Variants in SCML2 observed in about 807,000 individuals in gnomAD.
SCML2 encodes sex comb on midleg-like protein 2.
In SCML2, 6 loss-of-function variants were observed where a neutral mutation model predicts 48.4. That is an observed-to-expected ratio of 0.12 (90% CI 0.07 to 0.24). SCML2 has a LOEUF of 0.24. Among genes scored for constraint, SCML2 ranks in the 10% least tolerant of loss-of-function variants. The probability of loss-of-function intolerance (pLI) is 1.00; values close to 1 mark genes in which losing one functional copy is unlikely to be tolerated. For synonymous variants in SCML2, 181 were observed against 189.5 expected (o/e 0.95, Z 0.37); for missense variants, 377 against 528.2 (o/e 0.71, Z 2.81).
In SCML2 at chrX:18,346,885, A is replaced by G. The variant is rs185737347; in HGVS notation, c.-25+7707T>C. Reference sequence around the variant, plus strand: ...CCAAGAGAAGCTCTCTCTTTCAACTAAGATTTTGTTTCTGGTAATAGTGAT... The same window carrying G: ...CCAAGAGAAGCTCTCTCTTTCAACTGAGATTTTGTTTCTGGTAATAGTGAT... On this transcript the variant is annotated intron_variant, in intron 1 of 14. Transcript: ENST00000251900. Among the ~76,000 whole-genome samples, 21 of 112,028 alleles carry G rather than the reference A, an allele frequency of 1.9e-4. 1 individual carries two copies. The East Asian group carries it at 4.2e-3, about 22-fold the overall frequency.
intron 6 of SCML2, among the ~76,000 whole-genome samples, chrX:18,308,200 G>C (rs1475822317): frequency 9.7e-6 from 1 of 103,533 alleles, no homozygotes; most frequent in Non-Finnish European, 2.0e-5. Context: ...GTGGAGGTTG[G>C]AGTGAGCCAA....
intron 3 of SCML2, among the ~76,000 whole-genome samples, chrX:18,326,035 G>A (rs1344994690): frequency 3.6e-5 from 4 of 112,087 alleles, no homozygotes; most frequent in African/African-American, 9.7e-5. Flanking sequence ...GACTGACAGC[G>A]TTTGCAGATT....
intron 1 of SCML2, among the ~76,000 whole-genome samples, chrX:18,354,066 A>T (rs1481737334): frequency 8.9e-6 from 1 of 112,022 alleles, no homozygotes; most frequent in Non-Finnish European, 1.9e-5. Context: ...CCCCGCCAGG[A>T]GCCCGGCGGC....
At chrX:18,334,027 T>C (rs746159265) in intron 2 of SCML2, 23 bp downstream of exon 2, 10 of 1,181,116 alleles carry the variant, frequency 8.5e-6, no homozygotes, top group South Asian at 5.7e-5. Context: ...AAAACATTAT[T>C]GCCTTTAACA....
intron 1 of SCML2, among the ~76,000 whole-genome samples, chrX:18,347,098 T>C (rs1360178145): frequency 2.7e-5 from 3 of 112,040 alleles, no homozygotes; most frequent in Non-Finnish European, 5.6e-5. Context: ...ATTCTAATAC[T>C]GTAATTACAT....
At chrX:18,344,041 T>A (rs1300905105) in intron 1 of SCML2, among the ~76,000 whole-genome samples, 3 of 109,382 alleles carry the variant, frequency 2.7e-5, no homozygotes. Flanking sequence ...AAAATAAAAA[T>A]TTTTTTAAAA....
chrX:18,319,382 A>G (rs1238451184), intron 6 of SCML2, among the ~76,000 whole-genome samples: 1 of 110,413 alleles, frequency 9.1e-6, no homozygotes, highest in Non-Finnish European at 1.9e-5. Context: ...CTCAAAAAAA[A>G]AGAAAAAGGA....
At chrX:18,350,605 T>A in intron 1 of SCML2, among the ~76,000 whole-genome samples, 1 of 100,160 alleles carries the variant, frequency 1.0e-5, no homozygotes. Flanking sequence ...ATTAGCTGGG[T>A]GTGGCGGTAC....
At chrX:18,354,789 C>T (rs1372435836), upstream of SCML2, 21 of 149,072 alleles carry the variant, frequency 1.4e-4, no homozygotes, top group Admixed American at 4.2e-4. Flanking sequence ...CTTTGACCGC[C>T]GCCGCGTGCG....
At chrX:18,317,625 G>A (rs1232512085) in intron 6 of SCML2, among the ~76,000 whole-genome samples, 1 of 110,851 alleles carries the variant, frequency 9.0e-6, no homozygotes, top group Non-Finnish European at 1.9e-5. Context: ...GAGGTCAGGA[G>A]ATCGAGACCA....
chrX:18,326,381 T>C (rs770233503), intron 3 of SCML2, among the ~76,000 whole-genome samples: 17 of 108,920 alleles, frequency 1.6e-4, no homozygotes, highest in Admixed American at 5.9e-4. Context: ...TCAGAGAGAG[T>C]GTTAAGAATG....
intron 7 of SCML2, among the ~76,000 whole-genome samples, chrX:18,279,747 C>T (rs1381553299): frequency 1.8e-5 from 2 of 111,697 alleles, no homozygotes; most frequent in African/African-American, 6.5e-5. Context: ...GTAGAAGAGA[C>T]CAAGCTGAGG....
At chrX:18,345,485 G>A (rs1025663284) in intron 1 of SCML2, among the ~76,000 whole-genome samples, 1 of 109,079 alleles carries the variant, frequency 9.2e-6, no homozygotes, top group Non-Finnish European at 1.9e-5. Flanking sequence ...CAACCTCCCC[G>A]GGCTCAGGTG....
At chrX:18,304,266 C>T (rs1928687771) in intron 7 of SCML2, among the ~76,000 whole-genome samples, 1 of 111,621 alleles carries the variant, frequency 9.0e-6, no homozygotes, top group African/African-American at 3.3e-5. Context: ...GCTTAGACCC[C>T]ACTTAAGCCT....
chrX:18,295,460 C>T (rs943087468), intron 7 of SCML2, among the ~76,000 whole-genome samples: 3 of 112,206 alleles, frequency 2.7e-5, no homozygotes, highest in Non-Finnish European at 5.6e-5. Context: ...CGTTGGGGGC[C>T]TGAGGACTGG....
intron 7 of SCML2, among the ~76,000 whole-genome samples, chrX:18,282,342 A>G (rs1283867620): frequency 2.7e-5 from 3 of 110,859 alleles, no homozygotes; most frequent in Non-Finnish European, 5.7e-5. Context: ...AATACTATGG[A>G]CAACTCTATG....
At chrX:18,349,973 C>T (rs1394363715) in intron 1 of SCML2, among the ~76,000 whole-genome samples, 1 of 111,633 alleles carries the variant, frequency 9.0e-6, no homozygotes, top group Non-Finnish European at 1.9e-5. Context: ...TTTTTAAGAA[C>T]CACCATTGGC....
intron 1 of SCML2, chrX:18,341,318 G>A: frequency 2.2e-6 from 1 of 446,749 alleles, no homozygotes; most frequent in South Asian, 2.9e-5. Context: ...AGAGGCCATT[G>A]AGCAGGAGAA....
chrX:18,272,168 C>T (rs1437062004), intron 7 of SCML2, among the ~76,000 whole-genome samples: 1 of 111,692 alleles, frequency 9.0e-6, no homozygotes, highest in Non-Finnish European at 1.9e-5. Flanking sequence ...ATTAAACATT[C>T]GTAACAACCA....
Sources: gnomAD v4.1 joint callset for allele counts (sites outside exome capture counted in the v4.1 genomes callset) on GRCh38, gnomAD v4.1.1 for gene constraint, MANE v1.5 for transcripts, NCBI Gene and HGNC (gene_info 2026-07-23, HGNC 2026-07-21) for gene names.